BLCAP: variants seen among roughly 807,000 people sequenced by gnomAD.
The protein encoded by BLCAP is apoptosis inducing factor BLCAP.
A neutral mutation model predicts 5.7 loss-of-function variants in BLCAP; 1 was observed. The observed-to-expected ratio is 0.18, with a 90% CI of 0.06 to 0.83. BLCAP has a LOEUF of 0.83. Ranked by LOEUF, BLCAP falls within the 40% of genes least tolerant of loss-of-function variation. The pLI, the probability that BLCAP is intolerant of heterozygous loss-of-function variation, is 0.71. For missense variants in BLCAP, 66 were observed against 107.6 expected (o/e 0.61, Z 1.71); for synonymous variants, 48 against 49.4 (o/e 0.97, Z 0.11).
At position 37,518,565 on chromosome 20, in the gene BLCAP, A is replaced by T. The variant is rs1568681238; in HGVS notation, c.*346T>A. ...GAGGGGTCACAGAGGTGACAATGAG[A>T]CTGGCATTTTATCTGCCCCAGGTCA... On this transcript the variant is annotated 3_prime_UTR_variant, in exon 2 of 2. Transcript: ENST00000373537. The T allele has an allele frequency of 1.7e-5, 4 of 237,486 alleles. No homozygotes were observed. Among genetic ancestry groups the T allele is most frequent in the Non-Finnish European group, 3.3e-5 (4 of 119,958 alleles). The allele number at this position is 237,486 out of a possible 1,614,324, so 14.7% of individuals were successfully genotyped here.
chr20:37,522,591 G>A, intron 1 of BLCAP: 1 of 1,442,120 alleles, frequency 6.9e-7, no homozygotes. Context: ...GGGTGGGGCG[G>A]GGGTGGGCAC....
chr20:37,519,100 G>A lies in BLCAP; in HGVS notation c.75C>T (p.His25=), dbSNP rs773883833. Residue 25 remains histidine (H), a synonymous_variant, in exon 2 of 2, where the codon CAC becomes CAT. Coordinates refer to ENST00000373537, the MANE Select transcript of BLCAP (RefSeq NM_006698.4). ...GCAGGTAGAAGCCCATGAACATGGA[G>A]TGGCTGAACCACAGGGCGGGGTTGA... ...KPLNPALWFS[H]SMFMGFYLLS... 18 of 1,613,822 alleles carry A rather than the reference G, an allele frequency of 1.1e-5. No homozygotes were observed. The highest frequency in any genetic ancestry group is 1.5e-5 in the Non-Finnish European group (18 of 1,179,912).
At chr20:37,527,574 C>T (rs2071746032) in intron 1 of BLCAP, 1 of 152,358 alleles carries the variant, frequency 6.6e-6, no homozygotes. Flanking sequence ...TATGACCCAC[C>T]TCCGGGCTGG....
rs1156665198 is a variant in BLCAP at position 37,518,469 on chromosome 20, G to A, written c.*442C>T. ...CCCAAAAAAGGAAAAGGGTAGAAGAGAAATAAAGGGAAACCAGAAGAGGGA... is the reference window on the plus strand; with the variant it reads ...CCCAAAAAAGGAAAAGGGTAGAAGAAAAATAAAGGGAAACCAGAAGAGGGA... On this transcript the variant is annotated 3_prime_UTR_variant, in exon 2 of 2. Transcript: ENST00000373537. The A allele has an allele frequency of 6.2e-6, 1 of 160,908 alleles. No individual in the cohort carries two copies. Among genetic ancestry groups the A allele is most frequent in the Non-Finnish European group, 1.4e-5 (1 of 73,272 alleles). The allele number at this position is 160,908 out of a possible 1,614,324, so 10.0% of individuals were successfully genotyped here.
Position 37,519,030 on chromosome 20 carries a change from C to T in BLCAP, c.145G>A (p.Val49Ile). Residue 49 changes from valine to isoleucine, a missense_variant, in exon 2 of 2, where the codon GTT becomes ATT. Transcript: ENST00000373537. The part of the protein sequence containing the change: ...ERKPCTICAL[V>I]FLAALFLICY... ...ATAAGGAACAGGGCTGCCAGGAAAA[C>T]CAAGGCACAAATTGTGCAAGGCTTC... The T allele has an allele frequency of 6.2e-7, 1 of 1,614,194 alleles. No individual in the cohort carries two copies.
Position 37,519,115 on chromosome 20 carries a change from G to C in BLCAP, c.60C>G (p.Ala20=), listed in dbSNP as rs1289060264. 2 of 1,612,250 alleles carry C rather than the reference G, an allele frequency of 1.2e-6. No individual in the cohort carries two copies. Among genetic ancestry groups the C allele is most frequent in the Non-Finnish European group, 1.7e-6 (2 of 1,179,308 alleles). ...VLLIPKPLNP[A]LWFSHSMFMG... Reference sequence around the variant, plus strand: ...TGAACATGGAGTGGCTGAACCACAGGGCGGGGTTGAGGGGCTTGGGGATGA... The same window carrying C: ...TGAACATGGAGTGGCTGAACCACAGCGCGGGGTTGAGGGGCTTGGGGATGA... Residue 20 remains alanine (A), a synonymous_variant, in exon 2 of 2, where the codon GCC becomes GCG. Coordinates refer to ENST00000373537, the MANE Select transcript of BLCAP (RefSeq NM_006698.4).
At position 37,517,571 on chromosome 20, in the gene BLCAP, C is replaced by A. The variant is rs192632385; in HGVS notation, c.*1340G>T. Reference sequence around the variant, plus strand: ...CTCCAGTTCTGTTCTCTGCCTGGCCCATCTCTCTTTCCCCTCAGGCAAGAG... The same window carrying A: ...CTCCAGTTCTGTTCTCTGCCTGGCCAATCTCTCTTTCCCCTCAGGCAAGAG... On this transcript the variant is annotated 3_prime_UTR_variant, in exon 2 of 2. Coordinates refer to ENST00000373537, the MANE Select transcript of BLCAP (RefSeq NM_006698.4). The A allele has an allele frequency of 1.3e-5, 2 of 152,572 alleles. No homozygotes were observed. Among genetic ancestry groups the A allele is most frequent in the African/African-American group, 4.8e-5 (2 of 41,560 alleles). 9.5% of individuals were successfully genotyped at this position (152,572 alleles called of 1,614,324 possible). A position where few individuals can be genotyped will look rare whatever the true frequency, so the allele number is the denominator to read the frequency against.
At chr20:37,522,811 C>T (rs1601095374) in intron 1 of BLCAP, 1 of 1,491,392 alleles carries the variant, frequency 6.7e-7, no homozygotes, top group South Asian at 1.2e-5. Context: ...TCCTGTGCAT[C>T]TCGGCCAGCA....
chr20:37,519,029 A>T lies in BLCAP; in HGVS notation c.146T>A (p.Val49Asp). ...GATAAGGAACAGGGCTGCCAGGAAA[A>T]CCAAGGCACAAATTGTGCAAGGCTT... ...ERKPCTICAL[V>D]FLAALFLICY... The change falls in exon 2 of 2, where the codon GTT (valine) becomes GAT (aspartate). Residue 49 changes from valine to aspartate, a missense_variant. Transcript: ENST00000373537. 6.2e-7 allele frequency: 1 copy of T among 1,614,202 alleles called. No individual in the cohort carries two copies. Among genetic ancestry groups the T allele is most frequent in the Non-Finnish European group, 8.5e-7 (1 of 1,180,036 alleles).
At chr20:37,525,059 G>A (rs1298757520) in intron 1 of BLCAP, among the ~76,000 whole-genome samples, 1 of 152,194 alleles carries the variant, frequency 6.6e-6, no homozygotes, top group Admixed American at 6.5e-5. Flanking sequence ...TAGCCTGAAG[G>A]TGAGGCAGGT....
At position 37,518,932 on chromosome 20, in the gene BLCAP, A is replaced by G. The variant is rs769047736; in HGVS notation, c.243T>C (p.Asp81=). ...SDSPLPESAH[D]PGVVGT The stretch of plus-strand genomic sequence containing the variant: ...GCCGTTAGGTGCCCACAACGCCGGG[A>G]TCATGCGCCGATTCTGGAAGCGGGG... The change falls in exon 2 of 2, where the codon GAT becomes GAC. Residue 81 remains aspartate (D), a synonymous_variant. Coordinates refer to ENST00000373537, the MANE Select transcript of BLCAP (RefSeq NM_006698.4). 1.2e-6 allele frequency: 2 copies of G among 1,614,214 alleles called. No homozygotes were observed. Among genetic ancestry groups the G allele is most frequent in the Non-Finnish European group, 1.7e-6 (2 of 1,180,032 alleles).
At position 37,521,187 on chromosome 20, in the gene BLCAP, A is replaced by C; in HGVS notation, c.-176-1837T>G. 1 of 781,454 alleles carries C rather than the reference A, an allele frequency of 1.3e-6. No individual in the cohort carries two copies. Among genetic ancestry groups the C allele is most frequent in the Middle Eastern group, 2.7e-4 (1 of 3,666 alleles). 48.4% of individuals were successfully genotyped at this position (781,454 alleles called of 1,614,324 possible). On this transcript the variant is annotated intron_variant, in intron 1 of 1. Transcript: ENST00000373537. This position sits in a 1 kb window ranked among gnomAD's most constrained non-coding sequence, Gnocchi z 4.5. ...CCACCCCTCCTCATAAACACCCCCC[A>C]AGGCGCGCATGCGCACTTAGGTGGC...
chr20:37,519,838 T>G (rs2071508756), intron 1 of BLCAP, among the ~76,000 whole-genome samples: 1 of 152,248 alleles, frequency 6.6e-6, no homozygotes, highest in African/African-American at 2.4e-5. Flanking sequence ...GCTCAGGCAC[T>G]AAGTGCAGAG....
Position 37,522,853 on chromosome 20 carries a change from C to G in BLCAP, c.-176-3503G>C, listed in dbSNP as rs979658870. 4 of 1,139,992 alleles carry G rather than the reference C, an allele frequency of 3.5e-6. No homozygotes were observed. In the African/African-American group the frequency reaches 6.2e-5, roughly 18 times the overall value. The allele number at this position is 1,139,992 out of a possible 1,614,324, so 70.6% of individuals were successfully genotyped here. ...CCAGTGCCGCGCAGGAATGTGGGGT[C>G]CCCTGTGTTCCCTCGCCAGAGGAGC... On this transcript the variant is annotated intron_variant, in intron 1 of 1. Transcript: ENST00000373537.
At chr20:37,522,697 T>C (rs1407973917) in intron 1 of BLCAP, 3 of 1,612,404 alleles carry the variant, frequency 1.9e-6, no homozygotes, top group Middle Eastern at 1.8e-4. Context: ...GAAGCTGGCA[T>C]ACACGGTGTC....
chr20:37,526,569 G>A (rs2147197071), intron 1 of BLCAP: 1 of 151,588 alleles, frequency 6.6e-6, no homozygotes, highest in African/African-American at 2.4e-5. Flanking sequence ...ATCGCACAGG[G>A]ACAGGCTTGA....
Position 37,522,502 on chromosome 20 carries a change from C to G in BLCAP, c.-176-3152G>C. ...GCAGCTCTCAGCACAGTTGGAAAAG[C>G]TCCAGCTGCCCTGACTCGTGGACAA... is the stretch of plus-strand genomic sequence containing the variant. On this transcript the variant is annotated intron_variant, in intron 1 of 1. Transcript: ENST00000373537. 5 of 1,527,540 alleles carry G rather than the reference C, an allele frequency of 3.3e-6. No individual in the cohort carries two copies. The South Asian group carries it at 5.6e-5, about 17-fold the overall frequency. The allele number at this position is 1,527,540 out of a possible 1,614,324, so 94.6% of individuals were successfully genotyped here. A position where few individuals can be genotyped will look rare whatever the true frequency, so the allele number is the denominator to read the frequency against.
intron 1 of BLCAP, among the ~76,000 whole-genome samples, chr20:37,522,194 A>G (rs2071606702): frequency 1.0e-4 from 1 of 9,882 alleles, no homozygotes; most frequent in Non-Finnish European, 1.4e-3. Context: ...AAAAAAAATA[A>G]TAATAAAAAA....
At chr20:37,520,322 TG>T (rs1184695621) in intron 1 of BLCAP, 1 of 152,208 alleles carries the variant, frequency 6.6e-6, no homozygotes, top group East Asian at 1.9e-4. Flanking sequence ...CCGCCTCACT[TG>T]GAAACGGGGC....
Sources: gnomAD v4.1 joint callset for allele counts (sites outside exome capture counted in the v4.1 genomes callset) on GRCh38, gnomAD v4.1.1 for gene constraint, Gnocchi (gnomAD v3.1) non-coding constraint, MANE v1.5 for transcripts, NCBI Gene and HGNC (gene_info 2026-07-23, HGNC 2026-07-21) for gene names.